RGS6: variants seen among roughly 807,000 people sequenced by gnomAD.
The protein encoded by RGS6 is regulator of G protein signaling 6, also known as regulator of G-protein signaling 6.
In RGS6, 30 loss-of-function variants were observed where a neutral mutation model predicts 78.5. That is an observed-to-expected ratio of 0.38 (90% CI 0.29 to 0.52). The LOEUF (loss-of-function observed/expected upper bound fraction) is 0.52. Among genes scored for constraint, RGS6 ranks in the 20% least tolerant of loss-of-function variants. The pLI is 0.85. For synonymous variants in RGS6, 206 were observed against 206.0 expected, an observed-to-expected ratio of 1.00 and a Z score of 0.00; for missense variants, 495 against 609.7, an observed-to-expected ratio of 0.81 and a Z score of 1.98.
chr14:72,251,530 A>T (rs1348103546), intron 2 of RGS6, among the ~76,000 whole-genome samples: 1 of 152,218 alleles, frequency 6.6e-6, no homozygotes, highest in Non-Finnish European at 1.5e-5. Context: ...CAGCATGCCA[A>T]AGCACTTTAC....
intron 3 of RGS6, among the ~76,000 whole-genome samples, chr14:72,408,775 G>A (rs116970149): frequency 6.6e-6 from 1 of 152,260 alleles, no homozygotes; most frequent in Non-Finnish European, 1.5e-5. Context: ...GTGCATTTCT[G>A]TTAAAGTCAT....
chr14:72,040,587 G>A (rs2092307801), intron 2 of RGS6, among the ~76,000 whole-genome samples: 1 of 152,014 alleles, frequency 6.6e-6, no homozygotes, highest in South Asian at 2.1e-4. Context: ...ATGTGCCTCA[G>A]TTTAGGCTCT....
chr14:71,931,282 A>G (rs1439858619), upstream of RGS6, among the ~76,000 whole-genome samples: 1 of 150,944 alleles, frequency 6.6e-6, no homozygotes, highest in East Asian at 2.0e-4. Context: ...TACTAAGCCT[A>G]CCATAACACA....
At chr14:72,514,937 G>A (rs2096921890) in intron 14 of RGS6, among the ~76,000 whole-genome samples, 1 of 152,234 alleles carries the variant, frequency 6.6e-6, no homozygotes, top group Admixed American at 6.5e-5. Context: ...CGGGGAATGT[G>A]GCCTGGGCTC....
chr14:71,919,848 G>T, the RGS6 span, among the ~76,000 whole-genome samples: 968 of 152,200 alleles, frequency 6.4e-3, 12 homozygotes, highest in African/African-American at 0.022. Flanking sequence ...ATAAAAATTA[G>T]CCAGGAATGG....
intron 2 of RGS6, among the ~76,000 whole-genome samples, chr14:72,140,041 A>G (rs1414158722): frequency 6.7e-6 from 1 of 150,236 alleles, no homozygotes; most frequent in African/African-American, 2.4e-5. Flanking sequence ...CCTCTCACCA[A>G]TTCCAAGTTA....
At chr14:72,387,784 G>A (rs2088694346) in intron 3 of RGS6, among the ~76,000 whole-genome samples, 1 of 152,136 alleles carries the variant, frequency 6.6e-6, no homozygotes, top group African/African-American at 2.4e-5. Context: ...CAGACCAGAT[G>A]GTTTAAACAA....
At chr14:72,334,711 A>G (rs1185294797) in intron 2 of RGS6, among the ~76,000 whole-genome samples, 5 of 152,128 alleles carry the variant, frequency 3.3e-5, no homozygotes, top group African/African-American at 1.2e-4. Context: ...GGTCAGAACT[A>G]CTTGCAGAGA....
At chr14:72,344,008 A>C (rs967800588) in intron 2 of RGS6, among the ~76,000 whole-genome samples, 2 of 152,212 alleles carry the variant, frequency 1.3e-5, no homozygotes, top group South Asian at 4.1e-4. Context: ...GGGCCTGACC[A>C]AAAGGACTTG....
At chr14:72,438,333 T>TGAAG (rs2095035061) in intron 3 of RGS6, among the ~76,000 whole-genome samples, 1 of 152,106 alleles carries the variant, frequency 6.6e-6, no homozygotes, top group Non-Finnish European at 1.5e-5. Flanking sequence ...TCATCCAGCC[T>TGAAG]CGCTGCCTGA....
At chr14:71,883,217 A>G in the RGS6 span, among the ~76,000 whole-genome samples, 1 of 152,182 alleles carries the variant, frequency 6.6e-6, no homozygotes, top group African/African-American at 2.4e-5. Flanking sequence ...GGGCCTGGCT[A>G]AAGGCCGACT....
At chr14:72,625,211 C>G in the RGS6 span, among the ~76,000 whole-genome samples, 1 of 152,134 alleles carries the variant, frequency 6.6e-6, no homozygotes, top group African/African-American at 2.4e-5. Context: ...TCCCCTTTCC[C>G]TCTACATTTA....
chr14:72,409,254 C>T (rs2093201365), intron 3 of RGS6, among the ~76,000 whole-genome samples: 1 of 152,096 alleles, frequency 6.6e-6, no homozygotes, highest in Non-Finnish European at 1.5e-5. Context: ...TGGGCAGCAC[C>T]CAGAACCAGA....
chr14:72,421,871 T>C (rs2094199945), intron 3 of RGS6: 2 of 152,318 alleles, frequency 1.3e-5, no homozygotes, highest in African/African-American at 4.8e-5. Flanking sequence ...TCCCGTTTCC[T>C]CTTCTGAAAG....
At chr14:71,948,637 A>G (rs2091885957) in intron 1 of RGS6, among the ~76,000 whole-genome samples, 1 of 151,402 alleles carries the variant, frequency 6.6e-6, no homozygotes, top group African/African-American at 2.4e-5. Context: ...GAAAGAGAAT[A>G]TTACCGTTCT....
At chr14:72,063,072 C>T (rs1183366207) in intron 2 of RGS6, among the ~76,000 whole-genome samples, 1 of 152,168 alleles carries the variant, frequency 6.6e-6, no homozygotes, top group Non-Finnish European at 1.5e-5. Flanking sequence ...GATCTGCCCG[C>T]CTCGGCCTCC....
At chr14:72,155,141 C>T (rs2096752103) in intron 2 of RGS6, among the ~76,000 whole-genome samples, 3 of 152,236 alleles carry the variant, frequency 2.0e-5, no homozygotes, top group Non-Finnish European at 4.4e-5. Context: ...GTCACCCACA[C>T]AGGACTCCTG....
intron 10 of RGS6, among the ~76,000 whole-genome samples, chr14:72,475,765 A>G (rs2096225080): frequency 6.6e-6 from 1 of 151,462 alleles, no homozygotes; most frequent in Admixed American, 6.6e-5. Flanking sequence ...TGTGTCCCCA[A>G]ACATTCCTAT....
At chr14:72,081,162 A>G (rs998032828) in intron 2 of RGS6, among the ~76,000 whole-genome samples, 51 of 152,108 alleles carry the variant, frequency 3.4e-4, no homozygotes, top group Admixed American at 3.3e-3. Context: ...ATATCTTTCC[A>G]TACATGTGTG....
Sources: allele counts gnomAD v4.1 joint callset (sites outside exome capture counted in the v4.1 genomes callset), GRCh38; gene constraint gnomAD v4.1.1; transcripts MANE v1.5; gene names NCBI Gene and HGNC (gene_info 2026-07-23, HGNC 2026-07-21).